FREM1: variants seen among roughly 807,000 people sequenced by gnomAD.
The protein encoded by FREM1 is FRAS1-related extracellular matrix protein 1.
FREM1 carries 220 observed loss-of-function variants against 210.1 expected under a neutral mutation model. That is an observed-to-expected ratio of 1.05 (90% confidence interval 0.94 to 1.17). The LOEUF (loss-of-function observed/expected upper bound fraction) is 1.17, where lower values mean the gene tolerates loss of function less well. Among genes scored for constraint, FREM1 ranks in the 50% most tolerant of loss-of-function variants. FREM1 has a pLI of 0.00. For synonymous variants in FREM1, 1,189 were observed against 980.2 expected (o/e 1.21, Z -3.98); for missense variants, 3,454 against 2,675.5 (o/e 1.29, Z -6.42).
At chr9:14,824,376 T>C (rs1821946215) in intron 11 of FREM1, among the ~76,000 whole-genome samples, 1 of 152,192 alleles carries the variant, frequency 6.6e-6, no homozygotes, top group Non-Finnish European at 1.5e-5. Context: ...TTAAAAATGG[T>C]TTCTTGCTCT....
rs542176871 is a variant in FREM1 at position 14,848,698 on chromosome 9, C to G, written c.1228G>C (p.Asp410His). 2.1e-5 allele frequency: 34 copies of G among 1,612,198 alleles called. 1 individual carries two copies. In the South Asian group the frequency reaches 3.7e-4, roughly 18 times the overall value. The change falls in exon 7 of 37, where the codon GAT (aspartate) becomes CAT (histidine). Residue 410 changes from aspartate to histidine, a missense_variant. Physicochemically the swap from Asp to His is moderately conservative, Grantham distance 81 (BLOSUM62 -1). Coordinates refer to ENST00000380880, the MANE Select transcript of FREM1 (RefSeq NM_001379081.2). Reference protein sequence around the residue: ...MTVHISIRTADTNAPRVSWNT... With the variant: ...MTVHISIRTAHTNAPRVSWNT... ...CAGGATACACGGGGGGCATTTGTAT[C>G]TGCTGTTCTGATGGAGATGTGGACT...
At chr9:14,747,965 T>G (rs745636845) in intron 31 of FREM1, among the ~76,000 whole-genome samples, 1 of 152,336 alleles carries the variant, frequency 6.6e-6, no homozygotes, top group Admixed American at 6.5e-5. Context: ...AGTACATCTT[T>G]ATTTTTTGGT....
At chr9:14,762,557 T>C (rs527816903) in intron 27 of FREM1, among the ~76,000 whole-genome samples, 4 of 152,292 alleles carry the variant, frequency 2.6e-5, no homozygotes, top group Admixed American at 6.5e-5. Flanking sequence ...ACCATTTGAA[T>C]GCTGCATAAC....
chr9:14,802,790 A>T (rs1183201206), intron 19 of FREM1, among the ~76,000 whole-genome samples: 5 of 152,234 alleles, frequency 3.3e-5, no homozygotes, highest in Non-Finnish European at 7.3e-5. Flanking sequence ...TATTCTCAAC[A>T]ACCCAAGTCA....
chr9:14,755,940 C>T (rs1160027861), intron 29 of FREM1, among the ~76,000 whole-genome samples: 5 of 152,192 alleles, frequency 3.3e-5, no homozygotes. Flanking sequence ...CCCCTGGAAT[C>T]TCCTAATATC....
chr9:14,756,193 A>C (rs766208831), intron 29 of FREM1, among the ~76,000 whole-genome samples, 181 bp downstream of exon 29: 1 of 152,296 alleles, frequency 6.6e-6, no homozygotes, highest in East Asian at 1.9e-4. Context: ...ACTAAAAAAA[A>C]ATAAGGGCAA....
At chr9:14,818,800 T>C (rs1820766477) in intron 14 of FREM1, among the ~76,000 whole-genome samples, 1 of 152,140 alleles carries the variant, frequency 6.6e-6, no homozygotes, top group East Asian at 1.9e-4. Flanking sequence ...CGGAATAAGG[T>C]TACATTAAGG....
At position 14,859,462 on chromosome 9, in the gene FREM1, TGAA is replaced by T; in HGVS notation, c.349_351del (p.Phe117del). On this transcript the variant is annotated inframe_deletion, in exon 4 of 37. Transcript: ENST00000380880. ...TAGACCCACAGGATAAAAGTTTCTA[TGAA>T]GGTATCTCTTTCAGTAAATCTGTGG... The T allele has an allele frequency of 6.2e-7, 1 of 1,613,156 alleles. No individual in the cohort carries two copies. Among genetic ancestry groups the T allele is most frequent in the Non-Finnish European group, 8.5e-7 (1 of 1,179,378 alleles).
At position 14,808,517 on chromosome 9, in the gene FREM1, C is replaced by T. The variant is rs1368473389; in HGVS notation, c.2894-383G>A. ...AGGGAGAGGGAGAAGGCAACCTTTTCCCTTTGGTAAGTGTCTTTCCATTTA... is the reference window on the plus strand; with the variant it reads ...AGGGAGAGGGAGAAGGCAACCTTTTTCCTTTGGTAAGTGTCTTTCCATTTA... On this transcript the variant is annotated intron_variant, in intron 16 of 36. Transcript: ENST00000380880. 3.9e-5 allele frequency among the ~76,000 whole-genome samples: 6 copies of T among 152,262 alleles called. No homozygotes were observed. In the East Asian group the frequency reaches 7.7e-4, roughly 20 times the overall value.
chr9:14,902,012 GT>G (rs1229303779), intron 1 of FREM1, among the ~76,000 whole-genome samples: 335 of 140,944 alleles, frequency 2.4e-3, no homozygotes, highest in South Asian at 5.7e-3. Flanking sequence ...GCCATGCCTG[GT>G]TTTTTTTTTT....
At chr9:14,893,143 A>C (rs954352344) in intron 1 of FREM1, among the ~76,000 whole-genome samples, 1 of 150,334 alleles carries the variant, frequency 6.7e-6, no homozygotes, top group African/African-American at 2.5e-5. Context: ...ATGTCAGCAA[A>C]AGGGTAAGAA....
chr9:14,904,012 C>CT (rs1817215606), intron 1 of FREM1, among the ~76,000 whole-genome samples: 1 of 147,894 alleles, frequency 6.8e-6, no homozygotes, highest in African/African-American at 2.5e-5. Context: ...GTCCCAGCTG[C>CT]TTGGGAGGCT....
rs563185312 is a variant in FREM1, at chr9:14,784,561, G to C, written c.4251C>G (p.Leu1417=). 3 of 1,612,910 alleles carry C rather than the reference G, an allele frequency of 1.9e-6. No individual in the cohort carries two copies. In the African/African-American group the frequency reaches 4.0e-5, roughly 21 times the overall value. Residue 1417 remains leucine, a synonymous_variant, in exon 24 of 37, where the codon CTC becomes CTG. Transcript: ENST00000380880. ...GCTTGTCTGTTCCGTCCACAGCCAG[G>C]AGCGTGGTGGTTGTTAAGAAACCTC... is the stretch of plus-strand genomic sequence containing the variant. The part of the protein sequence containing the change: ...GDRGFLTTTT[L]LAVDGTDKPE...
chr9:14,777,460 C>A lies in FREM1; in HGVS notation c.4443-1257G>T, dbSNP rs562984060. Among the ~76,000 whole-genome samples, 19 of 152,274 alleles carry A rather than the reference C, an allele frequency of 1.2e-4. No individual in the cohort carries two copies. In the East Asian group the frequency reaches 3.7e-3, roughly 29 times the overall value. On this transcript the variant is annotated intron_variant, in intron 24 of 36. Transcript: ENST00000380880. ...AAAGAAATGTACTTAGAAATAATCA[C>A]AGAATTGTGCCTTGTTAGCTTTTCT...
Position 14,870,110 on chromosome 9 carries a change from T to A in FREM1, c.-267-866A>T, listed in dbSNP as rs139533604. On this transcript the variant is annotated intron_variant, in intron 1 of 36. Transcript: ENST00000380880. ...CCAGTATAATTAGGTGAACAAATAG[T>A]GGTTTGTTATGCCCAAAGAAAGGCC... 1.5e-3 allele frequency among the ~76,000 whole-genome samples: 229 copies of A among 152,314 alleles called. 1 individual carries two copies. The highest frequency in any genetic ancestry group is 5.2e-3 in the African/African-American group (215 of 41,584).
chr9:14,789,983 A>G (rs984718076), intron 22 of FREM1, among the ~76,000 whole-genome samples: 3 of 152,178 alleles, frequency 2.0e-5, no homozygotes, highest in African/African-American at 7.2e-5. Flanking sequence ...TCATCTTAAA[A>G]TTTATTATAT....
chr9:14,788,267 C>T lies in FREM1; in HGVS notation c.4177+652G>A, dbSNP rs563510775. On this transcript the variant is annotated intron_variant, in intron 23 of 36. Transcript: ENST00000380880. The stretch of plus-strand genomic sequence containing the variant: ...AACAGTTGGGTATCAAGAGCTTCTA[C>T]TCTTCCTTGCTGAGCTTTTTAAACA... Among the ~76,000 whole-genome samples the T allele has an allele frequency of 4.7e-4, 72 of 152,228 alleles. 1 individual carries two copies. Among genetic ancestry groups the T allele is most frequent in the African/African-American group, 1.7e-3 (71 of 41,542 alleles).
intron 9 of FREM1, 99 bp from the exon 10 acceptor site, chr9:14,841,688 T>C (rs1825722418): frequency 5.9e-6 from 5 of 846,894 alleles, no homozygotes; most frequent in Non-Finnish European, 8.5e-6. Flanking sequence ...ATCTGTCTAG[T>C]ACATTCTATG....
chr9:14,780,283 G>C (rs966147456), intron 24 of FREM1, among the ~76,000 whole-genome samples: 2 of 152,004 alleles, frequency 1.3e-5, no homozygotes, highest in Non-Finnish European at 2.9e-5. Context: ...TCTCAGATTT[G>C]ACTGGGGTGC....
Sources: gnomAD v4.1 joint callset for allele counts (sites outside exome capture counted in the v4.1 genomes callset) on GRCh38, gnomAD v4.1.1 for gene constraint, MANE v1.5 for transcripts, NCBI Gene and HGNC (gene_info 2026-07-23, HGNC 2026-07-21) for gene names.